Variants in TCERG1L observed in about 807,000 individuals in gnomAD.
TCERG1L encodes transcription elongation regulator 1 like, also known as transcription elongation regulator 1-like protein.
Under a neutral mutation model 56.3 loss-of-function variants are expected in TCERG1L, and 37 were observed. That is an observed-to-expected ratio of 0.66 (90% CI 0.51 to 0.87). TCERG1L has a LOEUF of 0.87. Among genes scored for constraint, TCERG1L ranks in the 40% least tolerant of loss-of-function variants. The pLI, the probability that TCERG1L is intolerant of heterozygous loss-of-function variation, is 0.00. For synonymous variants in TCERG1L, 324 were observed against 326.3 expected (o/e 0.99, Z 0.08); for missense variants, 799 against 774.2 (o/e 1.03, Z -0.38).
chr10:131,157,151 G>GA (rs372523369), intron 6 of TCERG1L, among the ~76,000 whole-genome samples: 160 of 152,248 alleles, frequency 1.1e-3, no homozygotes, highest in Middle Eastern at 6.8e-3. Flanking sequence ...GATAAAACGT[G>GA]AATCAGCTTT....
At chr10:131,104,177 T>G in intron 10 of TCERG1L, 88 bp downstream of exon 10, 2 of 927,424 alleles carry the variant, frequency 2.2e-6, no homozygotes, top group East Asian at 2.7e-5. Flanking sequence ...TGTCTGTTAT[T>G]GAGCAATGAA....
intron 4 of TCERG1L, among the ~76,000 whole-genome samples, chr10:131,252,344 G>A (rs755455406): frequency 2.0e-5 from 3 of 152,140 alleles, no homozygotes; most frequent in Non-Finnish European, 2.9e-5. Flanking sequence ...CACCAATGTT[G>A]CTTTAGGGAT....
intron 4 of TCERG1L, among the ~76,000 whole-genome samples, chr10:131,184,519 G>A (rs1019938032): frequency 6.6e-5 from 10 of 152,218 alleles, no homozygotes; most frequent in African/African-American, 2.4e-4. Flanking sequence ...CAAGAGTCAA[G>A]GCAGCTGGAA....
chr10:131,298,148 C>T (rs201588156), intron 3 of TCERG1L, among the ~76,000 whole-genome samples: 3 of 145,790 alleles, frequency 2.1e-5, no homozygotes, highest in South Asian at 2.2e-4. Flanking sequence ...TGAGGTATTT[C>T]TTTTTTTTTT....
At chr10:131,309,856 A>AAAAAAAAAAAT (rs1846863973) in intron 1 of TCERG1L, among the ~76,000 whole-genome samples, 1 of 150,016 alleles carries the variant, frequency 6.7e-6, no homozygotes, top group Non-Finnish European at 1.5e-5. Context: ...AAAAAAAAAA[A>AAAAAAAAAAAT]AAACTAAGCA....
chr10:131,165,258 A>C (rs1846018940), intron 5 of TCERG1L, among the ~76,000 whole-genome samples: 1 of 152,082 alleles, frequency 6.6e-6, no homozygotes, highest in Non-Finnish European at 1.5e-5. Flanking sequence ...AGATTAAAGC[A>C]CTCAGCCAGA....
rs190046584 is a variant in TCERG1L at position 131,144,899 on chromosome 10, G to A, written c.1189+1607C>T. Among the ~76,000 whole-genome samples the A allele has an allele frequency of 1.4e-3, 211 of 152,288 alleles. 1 individual carries two copies. Among genetic ancestry groups the A allele is most frequent in the Non-Finnish European group, 2.6e-3 (179 of 68,030 alleles). On this transcript the variant is annotated intron_variant, in intron 7 of 11. Transcript: ENST00000368642. The stretch of plus-strand genomic sequence containing the variant: ...CCTGTCGTCCACCCACAGTCCTGGC[G>A]AGCCCTGAGACCGCAGGTGGCCCAG...
intron 4 of TCERG1L, among the ~76,000 whole-genome samples, chr10:131,169,304 TA>T (rs56222827): frequency 2.0e-5 from 3 of 151,420 alleles, no homozygotes; most frequent in Non-Finnish European, 4.4e-5. Context: ...GAACCCTCAT[TA>T]AAAAACCCAG....
chr10:131,264,970 G>A (rs974692559), intron 3 of TCERG1L, among the ~76,000 whole-genome samples: 1 of 152,078 alleles, frequency 6.6e-6, no homozygotes, highest in Non-Finnish European at 1.5e-5. Flanking sequence ...ACGGGGAGTC[G>A]ACATGTCCTC....
intron 6 of TCERG1L, among the ~76,000 whole-genome samples, chr10:131,150,662 T>A (rs1845853658): frequency 6.6e-6 from 1 of 152,188 alleles, no homozygotes; most frequent in South Asian, 2.1e-4. Context: ...AAGAGCTCTG[T>A]TCTGCCCACT....
chr10:131,275,852 T>C (rs1846386914), intron 3 of TCERG1L, among the ~76,000 whole-genome samples: 2 of 152,196 alleles, frequency 1.3e-5, no homozygotes, highest in Non-Finnish European at 2.9e-5. Flanking sequence ...GTAGGCTCTC[T>C]GGAACTGGAG....
At chr10:131,227,449 G>C in intron 4 of TCERG1L, among the ~76,000 whole-genome samples, 1 of 152,202 alleles carries the variant, frequency 6.6e-6, no homozygotes, top group East Asian at 1.9e-4. Context: ...TTTCCCTGCT[G>C]TCAGAGCTTG....
chr10:131,112,404 GC>G (rs1441076271), intron 9 of TCERG1L, among the ~76,000 whole-genome samples: 1 of 142,384 alleles, frequency 7.0e-6, no homozygotes. Context: ...TGTCCCCCAG[GC>G]CCCCACTGTG....
Position 131,099,742 on chromosome 10 carries a change from G to C in TCERG1L, c.1486-1318C>G, listed in dbSNP as rs554863626. Among the ~76,000 whole-genome samples the C allele has an allele frequency of 2.0e-5, 3 of 152,310 alleles. No individual in the cohort carries two copies. The South Asian group carries it at 6.2e-4, about 32-fold the overall frequency. ...CAGTGGCAAACCTTTACAGGATTAT[G>C]AATACAAAATGCCACTGGTCCCCTG... is the stretch of plus-strand genomic sequence containing the variant. On this transcript the variant is annotated intron_variant, in intron 10 of 11. Coordinates refer to ENST00000368642, the MANE Select transcript of TCERG1L (RefSeq NM_174937.4).
At chr10:131,221,144 C>T (rs1845727879) in intron 4 of TCERG1L, among the ~76,000 whole-genome samples, 4 of 152,240 alleles carry the variant, frequency 2.6e-5, no homozygotes, top group Non-Finnish European at 5.9e-5. Context: ...TCCTCTCCAA[C>T]TCCCTGCAGG....
At chr10:131,301,003 A>T (rs1254649574) in intron 3 of TCERG1L, among the ~76,000 whole-genome samples, 4 of 152,050 alleles carry the variant, frequency 2.6e-5, no homozygotes, top group Admixed American at 2.0e-4. Flanking sequence ...AAATTCTGGC[A>T]TGTATGAAAA....
At chr10:131,167,385 G>A (rs944192987) in intron 4 of TCERG1L, among the ~76,000 whole-genome samples, 3 of 152,174 alleles carry the variant, frequency 2.0e-5, no homozygotes, top group Non-Finnish European at 2.9e-5. Context: ...CTGCTCTCTC[G>A]CATTGTGGGG....
At chr10:131,236,293 A>T (rs781677247) in intron 4 of TCERG1L, among the ~76,000 whole-genome samples, 3 of 152,212 alleles carry the variant, frequency 2.0e-5, no homozygotes, top group Non-Finnish European at 2.9e-5. Flanking sequence ...TGTTCTCCGT[A>T]AATTAGCTAT....
chr10:131,165,968 T>G (rs1390523483), intron 5 of TCERG1L, among the ~76,000 whole-genome samples: 1 of 152,256 alleles, frequency 6.6e-6, no homozygotes, highest in African/African-American at 2.4e-5. Flanking sequence ...AATATGTCAT[T>G]CTGGCCTGGA....
Sources: gnomAD v4.1 joint callset for allele counts (sites outside exome capture counted in the v4.1 genomes callset) on GRCh38, gnomAD v4.1.1 for gene constraint, MANE v1.5 for transcripts, NCBI Gene and HGNC (gene_info 2026-07-23, HGNC 2026-07-21) for gene names.